The following GCGR variants were observed in gnomAD, a reference collection of about 807,000 sequenced individuals.
GCGR encodes the protein glucagon receptor.
Under a neutral mutation model 56.1 loss-of-function variants are expected in GCGR, and 41 were observed. The observed-to-expected ratio is 0.73, with a 90% CI of 0.57 to 0.95. GCGR has a LOEUF of 0.95. GCGR is among the 40% of genes least tolerant of loss of function. GCGR has a pLI of 0.00. For missense variants in GCGR, 595 were observed against 638.2 expected, an observed-to-expected ratio of 0.93 and a Z score of 0.73; for synonymous variants, 278 against 271.1, an observed-to-expected ratio of 1.03 and a Z score of -0.25.
rs1290006592 is a variant in GCGR, at chr17:81,804,827, C to T, written c.-178+578C>T. On this transcript the variant is annotated intron_variant, in intron 1 of 13. Transcript: ENST00000400723. The surrounding 1 kb of genome is among the most constrained non-coding windows in gnomAD (Gnocchi z 8.2). Reference sequence around the variant, plus strand: ...GGGTCACTGCCCTGCCCGGCTCCGGCCCCCCCGGCGCCCCACCACCCGGCC... The same window carrying T: ...GGGTCACTGCCCTGCCCGGCTCCGGTCCCCCCGGCGCCCCACCACCCGGCC... Among the ~76,000 whole-genome samples the T allele has an allele frequency of 3.3e-5, 5 of 152,010 alleles. No individual in the cohort carries two copies. The highest frequency in any genetic ancestry group is 3.3e-4 in the Admixed American group (5 of 15,278).
Position 81,811,518 on chromosome 17 carries a change from A to T in GCGR, c.615A>T (p.Lys205Asn), listed in dbSNP as rs1264921069. 3.9e-6 allele frequency: 6 copies of T among 1,536,432 alleles called. No individual in the cohort carries two copies. Among genetic ancestry groups the T allele is most frequent in the South Asian group, 1.2e-5 (1 of 84,074 alleles). ...DGLLRTRYSQ[K>N]IGDDLSVSTW... ...TGCTCAGGACCCGCTACAGCCAGAAAATTGGCGACGACCTCAGTGTCAGCA... is the reference window on the plus strand; with the variant it reads ...TGCTCAGGACCCGCTACAGCCAGAATATTGGCGACGACCTCAGTGTCAGCA... Residue 205 changes from lysine (K) to asparagine (N), a missense_variant, in exon 7 of 14, where the codon AAA (lysine) becomes AAT (asparagine). Transcript: ENST00000400723. This position sits in a 1 kb window ranked among gnomAD's most constrained non-coding sequence, Gnocchi z 5.8.
intron 2 of GCGR, among the ~76,000 whole-genome samples, chr17:81,809,526 T>TCTGC (rs2038043854): frequency 1.4e-5 from 2 of 139,008 alleles, no homozygotes; most frequent in African/African-American, 5.3e-5. Context: ...TGCCTGCCTG[T>TCTGC]CTGCCTGTCT....
rs2038122737 is a variant in GCGR, at chr17:81,812,512, T to C, written c.949-65T>C. 1 of 1,464,752 alleles carries C rather than the reference T, an allele frequency of 6.8e-7. No homozygotes were observed. The highest frequency in any genetic ancestry group is 9.2e-7 in the Non-Finnish European group (1 of 1,088,452). 90.7% of individuals were successfully genotyped at this position (1,464,752 alleles called of 1,614,324 possible). A position where few individuals can be genotyped will look rare whatever the true frequency, so the allele number is the denominator to read the frequency against. Reference sequence around the variant, plus strand: ...ACCTGCAGGAGGGTCAGGTGGGGCCTTCCAAGGGCACAGAGCTGTTCCCTG... The same window carrying C: ...ACCTGCAGGAGGGTCAGGTGGGGCCCTCCAAGGGCACAGAGCTGTTCCCTG... On this transcript the variant is annotated intron_variant, in intron 10 of 13. Transcript: ENST00000400723. This position sits in a 1 kb window ranked among gnomAD's most constrained non-coding sequence, Gnocchi z 8.5.
In GCGR at chr17:81,813,460, G is replaced by A. The variant is rs989942047; in HGVS notation, c.1219-14G>A. On this transcript the variant is annotated splice_polypyrimidine_tract_variant and intron_variant, in intron 13 of 13. Transcript: ENST00000400723. The surrounding 1 kb of genome is among the most constrained non-coding windows in gnomAD (Gnocchi z 5.3). ...GCAGGCCCTAGGACTGGCCTGCCCC[G>A]TCCCCCTCCCCAGGTGCAGTCGGAG... 31 of 1,533,616 alleles carry A rather than the reference G, an allele frequency of 2.0e-5. No homozygotes were observed. Among genetic ancestry groups the A allele is most frequent in the South Asian group, 6.0e-5 (5 of 83,924 alleles).
At position 81,811,746 on chromosome 17, in the gene GCGR, C is replaced by A. The variant is rs749623311; in HGVS notation, c.753C>A (p.Asn251Lys). The A allele has an allele frequency of 5.1e-5, 79 of 1,541,484 alleles. No individual in the cohort carries two copies. The highest frequency in any genetic ancestry group is 6.8e-5 in the Non-Finnish European group (78 of 1,149,810). ...WLLVEGLYLH[N>K]LLGLATLPER... The stretch of plus-strand genomic sequence containing the variant: ...TGGTGGAGGGCCTGTACCTGCACAA[C>A]CTGCTGGGCCTGGCCACCCTCCCCG... The change falls in exon 8 of 14, where the codon AAC becomes AAA. Residue 251 changes from asparagine to lysine, a missense_variant. By Grantham distance (94) the Asn-to-Lys change is moderately conservative. Transcript: ENST00000400723. This position sits in a 1 kb window ranked among gnomAD's most constrained non-coding sequence, Gnocchi z 5.8.
Position 81,810,933 on chromosome 17 carries a change from G to T in GCGR, c.271+1G>T, listed in dbSNP as rs1295249583. On this transcript the variant is annotated splice_donor_variant, in intron 4 of 13. Transcript: ENST00000400723. LOFTEE classifies it high-confidence loss of function. This position sits in a 1 kb window ranked among gnomAD's most constrained non-coding sequence, Gnocchi z 4.6. ...TGGTACCTGCCTTGGCACCACAAAGGTACCCATAGAGGGGAGGAACTGTGG... is the reference window on the plus strand; with the variant it reads ...TGGTACCTGCCTTGGCACCACAAAGTTACCCATAGAGGGGAGGAACTGTGG... 2.0e-6 allele frequency: 3 copies of T among 1,521,360 alleles called. No homozygotes were observed. Among genetic ancestry groups the T allele is most frequent in the East Asian group, 2.5e-5 (1 of 39,944 alleles). 94.2% of individuals were successfully genotyped at this position (1,521,360 alleles called of 1,614,324 possible).
chr17:81,807,962 C>T (rs1043026789), intron 1 of GCGR, among the ~76,000 whole-genome samples: 19 of 152,226 alleles, frequency 1.2e-4, no homozygotes, highest in African/African-American at 2.2e-4. Flanking sequence ...TAGGCCAGCT[C>T]CTCCTCCAAG....
rs916646924 is a variant in GCGR at position 81,810,757 on chromosome 17, C to T, written c.164-68C>T. On this transcript the variant is annotated intron_variant, in intron 3 of 13. Coordinates refer to ENST00000400723, the MANE Select transcript of GCGR (RefSeq NM_000160.5). This position sits in a 1 kb window ranked among gnomAD's most constrained non-coding sequence, Gnocchi z 4.6. ...CAGGCTTCCAGAGAGAGGAGAGAGGCCTGCTGAGGGAGCCCCTTCTCCCAC... is the reference window on the plus strand; with the variant it reads ...CAGGCTTCCAGAGAGAGGAGAGAGGTCTGCTGAGGGAGCCCCTTCTCCCAC... 58 of 1,392,072 alleles carry T rather than the reference C, an allele frequency of 4.2e-5. No individual in the cohort carries two copies. The East Asian group carries it at 1.4e-3, about 35-fold the overall frequency. 86.2% of individuals were successfully genotyped at this position (1,392,072 alleles called of 1,614,324 possible).
At position 81,812,317 on chromosome 17, in the gene GCGR, C is replaced by G; in HGVS notation, c.948+65C>G. On this transcript the variant is annotated intron_variant, in intron 10 of 13. Coordinates refer to ENST00000400723, the MANE Select transcript of GCGR (RefSeq NM_000160.5). The surrounding 1 kb of genome is among the most constrained non-coding windows in gnomAD (Gnocchi z 8.5). ...CCTCCCTTGGCGTCCTGAGGCTGCC[C>G]CAGGAGACAGCAGCATCCTGTCTGA... is the stretch of plus-strand genomic sequence containing the variant. The G allele has an allele frequency of 6.7e-7, 1 of 1,500,392 alleles. No individual in the cohort carries two copies. Among genetic ancestry groups the G allele is most frequent in the Non-Finnish European group, 9.0e-7 (1 of 1,116,298 alleles). The allele number at this position is 1,500,392 out of a possible 1,614,324, so 92.9% of individuals were successfully genotyped here.
In GCGR at chr17:81,811,506, C is replaced by T. The variant is rs1265241545; in HGVS notation, c.603C>T (p.Arg201=). The change falls in exon 7 of 14, where the codon CGC becomes CGT. Residue 201 remains arginine, a synonymous_variant. Coordinates refer to ENST00000400723, the MANE Select transcript of GCGR (RefSeq NM_000160.5). This position sits in a 1 kb window ranked among gnomAD's most constrained non-coding sequence, Gnocchi z 5.8. ...VLVIDGLLRT[R]YSQKIGDDLS... ...TCATTGATGGGCTGCTCAGGACCCG[C>T]TACAGCCAGAAAATTGGCGACGACC... 5 of 1,536,640 alleles carry T rather than the reference C, an allele frequency of 3.3e-6. No individual in the cohort carries two copies. In the Admixed American group the frequency reaches 9.8e-5, roughly 30 times the overall value.
At position 81,811,342 on chromosome 17, in the gene GCGR, A is replaced by C. The variant is rs2038093132; in HGVS notation, c.500+14A>C. Reference sequence around the variant, plus strand: ...GGGGGGCCTCAGGTAGGATTCCGCCAGCGCCCGGGGCGGCCGCAGAGGACA... The same window carrying C: ...GGGGGGCCTCAGGTAGGATTCCGCCCGCGCCCGGGGCGGCCGCAGAGGACA... On this transcript the variant is annotated intron_variant, in intron 6 of 13. Transcript: ENST00000400723. This position sits in a 1 kb window ranked among gnomAD's most constrained non-coding sequence, Gnocchi z 5.8. The C allele has an allele frequency of 6.5e-7, 1 of 1,534,532 alleles. No individual in the cohort carries two copies. The highest frequency in any genetic ancestry group is 2.4e-5 in the East Asian group (1 of 40,874).
rs2037895487 is a variant in GCGR at position 81,804,244 on chromosome 17, C to G, written c.-183C>G. 1 of 151,586 alleles carries G rather than the reference C, an allele frequency of 6.6e-6. No homozygotes were observed. The highest frequency in any genetic ancestry group is 1.5e-5 in the Non-Finnish European group (1 of 67,822). The allele number at this position is 151,586 out of a possible 1,614,324, so 9.4% of individuals were successfully genotyped here. A position where few individuals can be genotyped will look rare whatever the true frequency, so the allele number is the denominator to read the frequency against. Reference sequence around the variant, plus strand: ...AGCCAAGCCGACCCCCGAGCAGCGCCGCGCGGTGAGCACCTGGGCCGCGGC... The same window carrying G: ...AGCCAAGCCGACCCCCGAGCAGCGCGGCGCGGTGAGCACCTGGGCCGCGGC... On this transcript the variant is annotated 5_prime_UTR_variant, in exon 1 of 14. Coordinates refer to ENST00000400723, the MANE Select transcript of GCGR (RefSeq NM_000160.5). This position sits in a 1 kb window ranked among gnomAD's most constrained non-coding sequence, Gnocchi z 8.2.
In GCGR at chr17:81,810,904, C is replaced by T. The variant is rs900267167; in HGVS notation, c.243C>T (p.Cys81=). ...TPANTTANIS[C]PWYLPWHHKV... is the part of the protein sequence containing the mutation. ...CCAATACCACGGCCAACATCTCCTG[C>T]CCCTGGTACCTGCCTTGGCACCACA... Residue 81 remains cysteine (C), a synonymous_variant, in exon 4 of 14, where the codon TGC becomes TGT. Coordinates refer to ENST00000400723, the MANE Select transcript of GCGR (RefSeq NM_000160.5). This position sits in a 1 kb window ranked among gnomAD's most constrained non-coding sequence, Gnocchi z 4.6. The T allele has an allele frequency of 1.6e-5, 24 of 1,536,712 alleles. No individual in the cohort carries two copies. The East Asian group carries it at 4.2e-4, about 27-fold the overall frequency.
At position 81,811,018 on chromosome 17, in the gene GCGR, C is replaced by A; in HGVS notation, c.280C>A (p.Arg94Ser). ...TCCCCCCACACCCCCAGTGCAACAC[C>A]GCTTCGTGTTCAAGAGATGCGGGCC... ...YLPWHHKVQHRFVFKRCGPDG... is the reference protein window; with the variant it reads ...YLPWHHKVQHSFVFKRCGPDG... The change falls in exon 5 of 14, where the codon CGC (arginine) becomes AGC (serine). Residue 94 changes from arginine to serine, a missense_variant. Arg to Ser is a moderately radical substitution (Grantham distance 110). Transcript: ENST00000400723. This position sits in a 1 kb window ranked among gnomAD's most constrained non-coding sequence, Gnocchi z 5.8. 6.5e-7 allele frequency: 1 copy of A among 1,536,054 alleles called. No homozygotes were observed. Among genetic ancestry groups the A allele is most frequent in the Non-Finnish European group, 8.7e-7 (1 of 1,146,796 alleles).
At chr17:81,809,726 T>TGTGTCTGCCTGC (rs1555709453) in intron 2 of GCGR, 56 bp from the exon 3 acceptor site, 183 of 1,300,460 alleles carry the variant, frequency 1.4e-4, no homozygotes, top group Non-Finnish European at 1.9e-4. Flanking sequence ...TGTCTGCCTG[T>TGTGTCTGCCTGC]CTGTCTGCCT....
chr17:81,810,139 C>T lies in GCGR; in HGVS notation c.163+255C>T, dbSNP rs1568251460. On this transcript the variant is annotated intron_variant, in intron 3 of 13. Transcript: ENST00000400723. This position sits in a 1 kb window ranked among gnomAD's most constrained non-coding sequence, Gnocchi z 4.6. ...ATTGCCCCAGAACCGGCTGCTGCTG[C>T]TGCCCCCAGGCCCAGATGGGTAATA... is the stretch of plus-strand genomic sequence containing the variant. 1 of 570,340 alleles carries T rather than the reference C, an allele frequency of 1.8e-6. No homozygotes were observed. Among genetic ancestry groups the T allele is most frequent in the Non-Finnish European group, 3.2e-6 (1 of 312,080 alleles). The allele number at this position is 570,340 out of a possible 1,614,324, so 35.3% of individuals were successfully genotyped here. A position where few individuals can be genotyped will look rare whatever the true frequency, so the allele number is the denominator to read the frequency against.
intron 1 of GCGR, chr17:81,805,114 TC>T (rs1443953050): frequency 6.6e-6 from 1 of 152,276 alleles, no homozygotes; most frequent in Non-Finnish European, 1.5e-5. Context: ...CACAAAAACA[TC>T]CCGGCTCCCA....
At position 81,813,530 on chromosome 17, in the gene GCGR, G is replaced by C; in HGVS notation, c.1275G>C (p.Trp425Cys). 6.5e-7 allele frequency: 1 copy of C among 1,536,128 alleles called. No homozygotes were observed. Among genetic ancestry groups the C allele is most frequent in the Non-Finnish European group, 8.7e-7 (1 of 1,146,798 alleles). Residue 425 changes from tryptophan to cysteine, a missense_variant, in exon 14 of 14, where the codon TGG becomes TGC. Physicochemically the swap from Trp to Cys is radical, Grantham distance 215 (BLOSUM62 -2). Transcript: ENST00000400723. This position sits in a 1 kb window ranked among gnomAD's most constrained non-coding sequence, Gnocchi z 5.3. ...WHRWRLGKVL[W>C]EERNTSNHRA... is the part of the protein sequence containing the mutation. ...GCTGGCGCCTGGGCAAAGTGCTATG[G>C]GAGGAGCGGAACACCAGCAACCACA...
Position 81,811,982 on chromosome 17 carries a change from C to CG in GCGR, c.878+42dup, listed in dbSNP as rs754402275. On this transcript the variant is annotated intron_variant, in intron 9 of 13. Coordinates refer to ENST00000400723, the MANE Select transcript of GCGR (RefSeq NM_000160.5). The surrounding 1 kb of genome is among the most constrained non-coding windows in gnomAD (Gnocchi z 5.8). ...GCGGCTGGACAGCCTGGGGAGGGAC[C>CG]GGGGGGCTGGGGTGCGGCGCTCTGG... 5 of 1,454,218 alleles carry CG rather than the reference C, an allele frequency of 3.4e-6. No homozygotes were observed. Among genetic ancestry groups the CG allele is most frequent in the South Asian group, 1.2e-5 (1 of 82,908 alleles). 90.1% of individuals were successfully genotyped at this position (1,454,218 alleles called of 1,614,324 possible).
Sources: allele counts gnomAD v4.1 joint callset (sites outside exome capture counted in the v4.1 genomes callset), GRCh38; gene constraint gnomAD v4.1.1; non-coding constraint Gnocchi (gnomAD v3.1); transcripts MANE v1.5; gene names NCBI Gene and HGNC (gene_info 2026-07-23, HGNC 2026-07-21).